MYH6: variants seen among roughly 807,000 people sequenced by gnomAD.
The protein encoded by MYH6 is myosin heavy chain 6.
Under a neutral mutation model 223.2 loss-of-function variants are expected in MYH6, and 126 were observed. That is an observed-to-expected ratio of 0.56 (90% CI 0.49 to 0.65). The LOEUF (loss-of-function observed/expected upper bound fraction) is 0.65. Ranked by LOEUF, MYH6 falls within the 30% of genes least tolerant of loss-of-function variation. MYH6 has a pLI of 0.00. For missense variants in MYH6, 2,040 were observed against 2,536.4 expected (o/e 0.80, Z 4.20); for synonymous variants, 978 against 1,010.2 (o/e 0.97, Z 0.61).
rs769049656 is a variant in MYH6, at chr14:23,393,726, A to T, written c.2868T>A (p.Ile956=). The change falls in exon 22 of 39, where the codon ATT becomes ATA. Residue 956 remains isoleucine (I), a synonymous_variant. Coordinates refer to ENST00000405093, the MANE Select transcript of MYH6 (RefSeq NM_002471.4). ...TGGCCAGTGTCAGCTCCAGGTCATC[A>T]ATGTCCTTCTTGAGCTCTGAGCACT... ...EDECSELKKD[I]DDLELTLAKV... The T allele has an allele frequency of 6.2e-7, 1 of 1,614,044 alleles. No individual in the cohort carries two copies. Among genetic ancestry groups the T allele is most frequent in the South Asian group, 1.1e-5 (1 of 91,072 alleles).
Position 23,405,748 on chromosome 14 carries a change from T to C in MYH6, c.224A>G (p.Gln75Arg), listed in dbSNP as rs761815039. ...NGKTVTVKED[Q>R]VLQQNPPKFD... is the part of the protein sequence containing the mutation. Reference sequence around the variant, plus strand: ...CTTGGGTGGGTTCTGCTGCAACACCTGGTCCTCCTTCACAGTCACCGTCTG... The same window carrying C: ...CTTGGGTGGGTTCTGCTGCAACACCCGGTCCTCCTTCACAGTCACCGTCTG... Residue 75 changes from glutamine (Q) to arginine (R), a missense_variant, in exon 4 of 39, where the codon CAG (glutamine) becomes CGG (arginine). Coordinates refer to ENST00000405093, the MANE Select transcript of MYH6 (RefSeq NM_002471.4). This position sits in a 1 kb window ranked among gnomAD's most constrained non-coding sequence, Gnocchi z 4.7. 1.9e-6 allele frequency: 3 copies of C among 1,614,124 alleles called. No homozygotes were observed. In the East Asian group the frequency reaches 6.7e-5, roughly 36 times the overall value.
Position 23,393,298 on chromosome 14 carries a change from C to T in MYH6, c.3105+44G>A, listed in dbSNP as rs200851393. 1.1e-4 allele frequency: 175 copies of T among 1,613,414 alleles called. 1 individual carries two copies. The highest frequency in any genetic ancestry group is 8.9e-4 in the South Asian group (81 of 91,064). On this transcript the variant is annotated intron_variant, in intron 23 of 38. Transcript: ENST00000405093. Reference sequence around the variant, plus strand: ...CTTTCTGGGCCATTGGTGTTGCCTGCAAAATCTTGCTCTGAGAGCAGGAGC... The same window carrying T: ...CTTTCTGGGCCATTGGTGTTGCCTGTAAAATCTTGCTCTGAGAGCAGGAGC...
chr14:23,395,755 C>T (rs1891373648), intron 20 of MYH6, among the ~76,000 whole-genome samples: 1 of 152,108 alleles, frequency 6.6e-6, no homozygotes, highest in Admixed American at 6.5e-5. Context: ...GTTTTGATCT[C>T]CTGACCTCGT....
rs1226127637 is a variant in MYH6 at position 23,405,093 on chromosome 14, C to T, written c.530+7G>A. ...GTCCCTTCTGTGGGAGGATGGCACTCGCTCACGTGATGAGGATGGACTGGT... is the reference window on the plus strand; with the variant it reads ...GTCCCTTCTGTGGGAGGATGGCACTTGCTCACGTGATGAGGATGGACTGGT... On this transcript the variant is annotated splice_region_variant and intron_variant, in intron 6 of 38. Transcript: ENST00000405093. This position sits in a 1 kb window ranked among gnomAD's most constrained non-coding sequence, Gnocchi z 4.7. 1.1e-5 allele frequency: 17 copies of T among 1,613,946 alleles called. No homozygotes were observed. The highest frequency in any genetic ancestry group is 6.7e-5 in the African/African-American group (5 of 74,916).
Position 23,393,734 on chromosome 14 carries a change from T to A in MYH6, c.2860A>T (p.Lys954Ter). 1 of 1,614,210 alleles carries A rather than the reference T, an allele frequency of 6.2e-7. No homozygotes were observed. Among genetic ancestry groups the A allele is most frequent in the Non-Finnish European group, 8.5e-7 (1 of 1,180,046 alleles). ...GTCAGCTCCAGGTCATCAATGTCCT[T>A]CTTGAGCTCTGAGCACTCGTCTTCC... ...KLEDECSELKKDIDDLELTLA... is the reference protein window; with the variant it reads ...KLEDECSELK Residue 954 changes from lysine (K) to a stop codon, truncating the protein, a stop_gained, in exon 22 of 39, where the codon AAG becomes TAG. Transcript: ENST00000405093. LOFTEE classifies it high-confidence loss of function.
chr14:23,396,465 A>G (rs1423815872), intron 19 of MYH6, 45 bp from the exon 20 acceptor site: 1 of 1,609,124 alleles, frequency 6.2e-7, no homozygotes, highest in African/African-American at 1.3e-5. Context: ...CTCAGAGGGG[A>G]GTATCCAGGG....
rs201328596 is a variant in MYH6, at chr14:23,384,743, G to T, written c.5290-26C>A. On this transcript the variant is annotated intron_variant, in intron 35 of 38. Coordinates refer to ENST00000405093, the MANE Select transcript of MYH6 (RefSeq NM_002471.4). ...CTGTGTGCAGGAGAGAGGTGGCAAG[G>T]AACATGGGCCAGGGGCCGGGGCCTT... 12 of 1,614,102 alleles carry T rather than the reference G, an allele frequency of 7.4e-6. No individual in the cohort carries two copies. The East Asian group carries it at 2.7e-4, about 36-fold the overall frequency.
chr14:23,405,698 T>C lies in MYH6; in HGVS notation c.274A>G (p.Met92Val). ...PKFDKIEDMAMLTFLHEPAVL... is the reference protein window; with the variant it reads ...PKFDKIEDMAVLTFLHEPAVL... ...GCGGGCTCGTGCAGGAAGGTCAGCA[T>C]GGCCATGTCCTCAATCTTGTCGAAC... is the stretch of plus-strand genomic sequence containing the variant. Residue 92 changes from methionine (M) to valine (V), a missense_variant, in exon 4 of 39, where the codon ATG becomes GTG. Met to Val is a conservative substitution (Grantham distance 21). Around this residue, in one of 4 missense-constraint regions of MYH6, gnomAD observed 184 missense variants for 232.4 expected, o/e 0.79. Coordinates refer to ENST00000405093, the MANE Select transcript of MYH6 (RefSeq NM_002471.4). The surrounding 1 kb of genome is among the most constrained non-coding windows in gnomAD (Gnocchi z 4.7). 1.9e-6 allele frequency: 3 copies of C among 1,614,164 alleles called. No individual in the cohort carries two copies. Among genetic ancestry groups the C allele is most frequent in the Non-Finnish European group, 2.5e-6 (3 of 1,180,010 alleles).
rs760840516 is a variant in MYH6 at position 23,405,152 on chromosome 14, A to G, written c.503-25T>C. The G allele has an allele frequency of 6.2e-7, 1 of 1,613,880 alleles. No individual in the cohort carries two copies. The highest frequency in any genetic ancestry group is 1.7e-5 in the Admixed American group (1 of 60,014). On this transcript the variant is annotated intron_variant, in intron 5 of 38. Coordinates refer to ENST00000405093, the MANE Select transcript of MYH6 (RefSeq NM_002471.4). The surrounding 1 kb of genome is among the most constrained non-coding windows in gnomAD (Gnocchi z 4.7). ...TCTGGAAGAAAAAAGAGGAGAAGCA[A>G]TGGGGTCAGGGCTGAGGATCTGGGT...
At position 23,407,271 on chromosome 14, in the gene MYH6, A is replaced by C; in HGVS notation, c.-13-35T>G. 1 of 1,608,652 alleles carries C rather than the reference A, an allele frequency of 6.2e-7. No individual in the cohort carries two copies. The highest frequency in any genetic ancestry group is 8.5e-7 in the Non-Finnish European group (1 of 1,176,072). On this transcript the variant is annotated intron_variant, in intron 2 of 38. Transcript: ENST00000405093. The surrounding 1 kb of genome is among the most constrained non-coding windows in gnomAD (Gnocchi z 5.6). ...AGACAGGAGGGCTATGTTACTCCTGAGGGAGCCCAGGCTCCAGCGAGTGGC... is the reference window on the plus strand; with the variant it reads ...AGACAGGAGGGCTATGTTACTCCTGCGGGAGCCCAGGCTCCAGCGAGTGGC...
rs1012836005 is a variant in MYH6 at position 23,386,622 on chromosome 14, G to T, written c.4652C>A (p.Ala1551Asp). 4.4e-6 allele frequency: 7 copies of T among 1,608,248 alleles called. No individual in the cohort carries two copies. Among genetic ancestry groups the T allele is most frequent in the Admixed American group, 1.7e-5 (1 of 59,888 alleles). The change falls in exon 33 of 39, where the codon GCC becomes GAC. Residue 1551 changes from alanine to aspartate, a missense_variant and splice_region_variant. Coordinates refer to ENST00000405093, the MANE Select transcript of MYH6 (RefSeq NM_002471.4). Reference sequence around the variant, plus strand: ...CTTGCCCTCCTCGTGCTCCAGGGAGGCCTGGGAAGGGGTGGGGCGAGGGCG... The same window carrying T: ...CTTGCCCTCCTCGTGCTCCAGGGAGTCCTGGGAAGGGGTGGGGCGAGGGCG... ...ELQSALEEAE[A>D]SLEHEEGKIL...
rs549746895 is a variant in MYH6 at position 23,384,502 on chromosome 14, G to T, written c.5505C>A (p.Asn1835Lys). 1.9e-6 allele frequency: 3 copies of T among 1,613,050 alleles called. No homozygotes were observed. Among genetic ancestry groups the T allele is most frequent in the African/African-American group, 2.7e-5 (2 of 74,922 alleles). Residue 1835 changes from asparagine (N) to lysine (K), a missense_variant, in exon 36 of 39, where the codon AAC (asparagine) becomes AAA (lysine). Asn to Lys is a moderately conservative substitution (Grantham distance 94). This residue lies in a region of MYH6 where 1,203 missense variants were observed against 1,400.2 expected (regional missense o/e 0.86). Transcript: ENST00000405093. Reference protein sequence around the residue: ...EGELEAEQKRNAESVKGMRKS... With the variant: ...EGELEAEQKRKAESVKGMRKS... Reference sequence around the variant, plus strand: ...TCCTCATGCCCTTCACCGACTCTGCGTTGCGCTTCTGCTCGGCCTCCAGCT... The same window carrying T: ...TCCTCATGCCCTTCACCGACTCTGCTTTGCGCTTCTGCTCGGCCTCCAGCT...
At chr14:23,384,307 T>G in intron 36 of MYH6, 135 bp downstream of exon 36, 1 of 1,389,726 alleles carries the variant, frequency 7.2e-7, no homozygotes, top group Non-Finnish European at 1.0e-6. Flanking sequence ...TCAAACTGAC[T>G]GCAGAGCGTG....
rs1411329549 is a variant in MYH6, at chr14:23,390,101, G to C, written c.3688C>G (p.Leu1230Val). The C allele has an allele frequency of 5.6e-6, 9 of 1,612,830 alleles. No individual in the cohort carries two copies. The highest frequency in any genetic ancestry group is 1.1e-5 in the South Asian group (1 of 91,000). Reference protein sequence around the residue: ...EKEKSEFKLELDDVTSNMEQI... With the variant: ...EKEKSEFKLEVDDVTSNMEQI... ...TCCATGTTGGAGGTGACGTCATCCA[G>C]CTCCAGCTTGAACTCGCTCTTCTCC... Residue 1230 changes from leucine to valine, a missense_variant, in exon 26 of 39, where the codon CTG becomes GTG. Leu to Val is a conservative substitution (Grantham distance 32). Transcript: ENST00000405093.
rs562780650 is a variant in MYH6 at position 23,400,540 on chromosome 14, G to A, written c.1411-114C>T. ...GGGTATGGCTGTCCCCTCCATGTCAGGGCAGTGGAGGAGGGCTTCCCCTGA... is the reference window on the plus strand; with the variant it reads ...GGGTATGGCTGTCCCCTCCATGTCAAGGCAGTGGAGGAGGGCTTCCCCTGA... On this transcript the variant is annotated intron_variant, in intron 13 of 38. Coordinates refer to ENST00000405093, the MANE Select transcript of MYH6 (RefSeq NM_002471.4). 13 of 1,587,698 alleles carry A rather than the reference G, an allele frequency of 8.2e-6. No homozygotes were observed. The South Asian group carries it at 1.1e-4, about 14-fold the overall frequency.
At chr14:23,388,592 C>T (rs765411027) in intron 29 of MYH6, 2 of 853,446 alleles carry the variant, frequency 2.3e-6, no homozygotes, top group South Asian at 2.7e-5. Context: ...GACGGTAGCT[C>T]CTCTGACCAA....
At chr14:23,389,898 G>A (rs922717735) in intron 26 of MYH6, among the ~76,000 whole-genome samples, 159 bp downstream of exon 26, 1 of 151,586 alleles carries the variant, frequency 6.6e-6, no homozygotes, top group Non-Finnish European at 1.5e-5. Context: ...AGATAGAGAG[G>A]GTGAGGAGAG....
chr14:23,398,402 T>G (rs537855052), intron 15 of MYH6, among the ~76,000 whole-genome samples: 1 of 152,330 alleles, frequency 6.6e-6, no homozygotes, highest in South Asian at 2.1e-4. Flanking sequence ...TTTTGTTCAG[T>G]GTCCTCTCAA....
rs1566512326 is a variant in MYH6 at position 23,397,937 on chromosome 14, CTTCTTCTTCTTCT to C, written c.1892-337_1892-325del. ...TCCTCCTCCTCCTCCTCCTCCTCTT[CTTCTTCTTCTTCT>C]TCTTCTTCTTCTTCTTCTTCTTCTT... is the stretch of plus-strand genomic sequence containing the variant. On this transcript the variant is annotated intron_variant, in intron 15 of 38. Transcript: ENST00000405093. 4.4e-3 allele frequency among the ~76,000 whole-genome samples: 268 copies of C among 60,244 alleles called. 2 individuals carry two copies. Among genetic ancestry groups the C allele is most frequent in the African/African-American group, 7.5e-3 (115 of 15,324 alleles). The allele number at this position is 60,244 out of a possible 152,430, so 39.5% of individuals were successfully genotyped here. A position where few individuals can be genotyped will look rare whatever the true frequency, so the allele number is the denominator to read the frequency against.
Sources: gnomAD v4.1 joint callset for allele counts (sites outside exome capture counted in the v4.1 genomes callset) on GRCh38, gnomAD v4.1.1 for gene constraint, gnomAD v4.1.1 regional missense constraint, Gnocchi (gnomAD v3.1) non-coding constraint, MANE v1.5 for transcripts, NCBI Gene and HGNC (gene_info 2026-07-23, HGNC 2026-07-21) for gene names.